BMPR2: variants seen among roughly 807,000 people sequenced by gnomAD.
BMPR2 encodes the protein bone morphogenetic protein receptor type 2.
In BMPR2, 29 loss-of-function variants were observed where a neutral mutation model predicts 100.8. The ratio of observed to expected loss-of-function variants is 0.29; its 90% confidence interval spans 0.21 to 0.39. BMPR2 has a LOEUF of 0.39. BMPR2 is among the 10% of genes least tolerant of loss of function. The pLI, the probability that BMPR2 is intolerant of heterozygous loss-of-function variation, is 1.00. For missense variants in BMPR2, 1,011 were observed against 1,274.5 expected (o/e 0.79, Z 3.15); for synonymous variants, 382 against 442.3 (o/e 0.86, Z 1.71).
chr2:202,454,474 A>C (rs1692051053), intron 1 of BMPR2, among the ~76,000 whole-genome samples: 1 of 152,208 alleles, frequency 6.6e-6, no homozygotes, highest in African/African-American at 2.4e-5. Flanking sequence ...ATCGGGGATA[A>C]AGCCAAGAGG....
intron 7 of BMPR2, 47 bp from the exon 8 acceptor site, chr2:202,530,746 CA>C (rs1314969756): frequency 6.7e-7 from 1 of 1,489,038 alleles, no homozygotes; most frequent in South Asian, 1.2e-5. Context: ...ATTTCATGTT[CA>C]ATAGTCCCTT....
At chr2:202,511,488 C>T (rs1028879530) in intron 3 of BMPR2, among the ~76,000 whole-genome samples, 1 of 152,144 alleles carries the variant, frequency 6.6e-6, no homozygotes, top group Non-Finnish European at 1.5e-5. Context: ...AACTCACAAA[C>T]TGTTTTCTAC....
At chr2:202,472,157 T>C (rs1339384147) in intron 3 of BMPR2, among the ~76,000 whole-genome samples, 5 of 152,210 alleles carry the variant, frequency 3.3e-5, no homozygotes. Flanking sequence ...TAACAGACCA[T>C]ACTCTAGGAT....
chr2:202,529,794 T>A (rs1186576997), intron 7 of BMPR2, among the ~76,000 whole-genome samples: 1 of 152,218 alleles, frequency 6.6e-6, no homozygotes, highest in African/African-American at 2.4e-5. Context: ...ATGAGCGTAA[T>A]ACATCTGAAT....
chr2:202,451,827 A>G (rs967398640), intron 1 of BMPR2, among the ~76,000 whole-genome samples: 2 of 152,028 alleles, frequency 1.3e-5, no homozygotes, highest in African/African-American at 2.4e-5. Context: ...TCAGCTCACC[A>G]CAACCACCAT....
chr2:202,485,995 G>A, intron 3 of BMPR2, among the ~76,000 whole-genome samples: 1 of 152,054 alleles, frequency 6.6e-6, no homozygotes, highest in East Asian at 2.0e-4. Context: ...TGGCCTTTAG[G>A]ATAAAACATC....
chr2:202,476,934 C>G (rs1390840099), intron 3 of BMPR2, among the ~76,000 whole-genome samples: 1 of 137,808 alleles, frequency 7.3e-6, no homozygotes, highest in African/African-American at 2.8e-5. Context: ...ATGAAATTAG[C>G]TTAATCAACT....
At chr2:202,448,292 A>G (rs1361540288) in intron 1 of BMPR2, among the ~76,000 whole-genome samples, 3 of 150,816 alleles carry the variant, frequency 2.0e-5, no homozygotes, top group African/African-American at 7.3e-5. Context: ...TTCTACAAAT[A>G]CAAAAAAAAT....
chr2:202,533,725 G>A (rs1688070501), intron 9 of BMPR2, among the ~76,000 whole-genome samples: 1 of 151,746 alleles, frequency 6.6e-6, no homozygotes, highest in Non-Finnish European at 1.5e-5. Context: ...CGGGAGGCTG[G>A]GGCAGAGGAA....
At chr2:202,400,025 C>T (rs552330869) in intron 1 of BMPR2, among the ~76,000 whole-genome samples, 2 of 152,228 alleles carry the variant, frequency 1.3e-5, no homozygotes, top group South Asian at 4.1e-4. Flanking sequence ...GTGGGAGAAT[C>T]ACTTGAGACC....
chr2:202,440,531 C>T (rs556957204), intron 1 of BMPR2, among the ~76,000 whole-genome samples: 57 of 149,794 alleles, frequency 3.8e-4, no homozygotes, highest in Middle Eastern at 3.4e-3. Flanking sequence ...GATGGGCGGC[C>T]AGGCAGAGAC....
chr2:202,385,830 T>C (rs1317510029), intron 1 of BMPR2, among the ~76,000 whole-genome samples: 1 of 152,322 alleles, frequency 6.6e-6, no homozygotes, highest in Non-Finnish European at 1.5e-5. Context: ...TGTTATTTAC[T>C]TAATTCATAT....
At chr2:202,553,204 C>G (rs561954658) in intron 11 of BMPR2, among the ~76,000 whole-genome samples, 24 of 152,046 alleles carry the variant, frequency 1.6e-4, no homozygotes, top group Admixed American at 1.4e-3. Flanking sequence ...ATAAGCACTT[C>G]TATATAAATT....
intron 9 of BMPR2, among the ~76,000 whole-genome samples, chr2:202,541,258 C>T (rs556999750): frequency 1.3e-5 from 2 of 151,672 alleles, no homozygotes; most frequent in South Asian, 4.2e-4. Context: ...CTGGGCAACA[C>T]GGCAAGACCT....
intron 3 of BMPR2, among the ~76,000 whole-genome samples, chr2:202,467,921 G>A (rs187816604): frequency 1.3e-3 from 195 of 152,056 alleles, no homozygotes; most frequent in African/African-American, 4.5e-3. Flanking sequence ...AGTGGTAGGC[G>A]CCTGTAATCC....
At chr2:202,514,221 C>T (rs1032322352) in intron 4 of BMPR2, among the ~76,000 whole-genome samples, 1 of 152,094 alleles carries the variant, frequency 6.6e-6, no homozygotes, top group East Asian at 1.9e-4. Context: ...CTGCAGGCTC[C>T]GCCCCCCAGG....
intron 7 of BMPR2, among the ~76,000 whole-genome samples, chr2:202,524,386 T>G (rs1574490951): frequency 6.8e-6 from 1 of 147,236 alleles, no homozygotes; most frequent in Non-Finnish European, 1.5e-5. Flanking sequence ...AACAACTACC[T>G]GTTGGGTACT....
In BMPR2 at chr2:202,376,545, G is replaced by GGCGGCA. The variant is rs1553584009; in HGVS notation, c.-928_-927insGGCAGC. On this transcript the variant is annotated 5_prime_UTR_variant, in exon 1 of 13. Transcript: ENST00000374580. ...CGGCGGCGGCGGCGGCGGCGGCGGC[G>GGCGGCA]GCAGCAGCAGCGGCTTCCTCGGGGG... Among the ~76,000 whole-genome samples the GGCGGCA allele has an allele frequency of 7.1e-5, 10 of 140,582 alleles. No homozygotes were observed. Among genetic ancestry groups the GGCGGCA allele is most frequent in the Admixed American group, 5.2e-4 (7 of 13,358 alleles). The allele number at this position is 140,582 out of a possible 152,430, so 92.2% of individuals were successfully genotyped here.
chr2:202,461,117 T>C (rs77466141), intron 1 of BMPR2, among the ~76,000 whole-genome samples: 6,439 of 152,236 alleles, frequency 0.042, 477 homozygotes, highest in African/African-American at 0.15. Context: ...GTGTTGGGAT[T>C]ACAGGCACAA....
Sources: gnomAD v4.1 joint callset for allele counts (sites outside exome capture counted in the v4.1 genomes callset) on GRCh38, gnomAD v4.1.1 for gene constraint, MANE v1.5 for transcripts, NCBI Gene and HGNC (gene_info 2026-07-23, HGNC 2026-07-21) for gene names.